Variants in NBAS observed in about 807,000 individuals in gnomAD.
NBAS encodes NAG/BC035112 fusion.
NBAS carries 219 observed loss-of-function variants against 302.5 expected under a neutral mutation model. The ratio of observed to expected loss-of-function variants is 0.72; its 90% CI spans 0.65 to 0.81. NBAS has a LOEUF of 0.81. NBAS is among the 30% of genes least tolerant of loss of function. NBAS has a pLI of 0.00. For synonymous variants in NBAS, 1,118 were observed against 1,021.6 expected (o/e 1.09, Z -1.80); for missense variants, 2,932 against 2,841.6 (o/e 1.03, Z -0.72).
At chr2:14,814,151 C>T in the NBAS span, among the ~76,000 whole-genome samples, 1 of 152,208 alleles carries the variant, frequency 6.6e-6, no homozygotes, top group Non-Finnish European at 1.5e-5. Flanking sequence ...AGGGGCACAG[C>T]CCACATGGAG....
chr2:14,944,007 C>G, the NBAS span, among the ~76,000 whole-genome samples: 1 of 151,992 alleles, frequency 6.6e-6, no homozygotes, highest in Non-Finnish European at 1.5e-5. Flanking sequence ...ATAAAAAAAA[C>G]TACTAATCCC....
intron 25 of NBAS, among the ~76,000 whole-genome samples, chr2:15,413,325 G>A (rs1044043751): frequency 2.0e-5 from 3 of 151,998 alleles, no homozygotes; most frequent in Non-Finnish European, 2.9e-5. Flanking sequence ...GCAATTCCCT[G>A]GTAATAAGGA....
chr2:15,331,732 T>C (rs1672361440), intron 35 of NBAS, among the ~76,000 whole-genome samples: 2 of 152,202 alleles, frequency 1.3e-5, no homozygotes, highest in Admixed American at 6.5e-5. Context: ...CTCTTTTAGA[T>C]CAAGCTGACA....
At chr2:15,359,638 T>G (rs1443499205) in intron 32 of NBAS, among the ~76,000 whole-genome samples, 2 of 152,184 alleles carry the variant, frequency 1.3e-5, no homozygotes, top group East Asian at 3.8e-4. Flanking sequence ...TTTCAACATA[T>G]TCCTTTACTT....
In NBAS at chr2:15,539,349, T is replaced by G; in HGVS notation, c.387A>C (p.Lys129Asn). Residue 129 changes from lysine to asparagine, a missense_variant, in exon 7 of 52, where the codon AAA becomes AAC. Coordinates refer to ENST00000281513, the MANE Select transcript of NBAS (RefSeq NM_015909.4). ...CCCGTCTCCACTGGGGTTTCGGGTC[T>G]TTCGGAACTAGAACAAAAGAAAACA... ...TSIIGKCQVP[K>N]DPKPQWRRVA... 2 of 1,614,202 alleles carry G rather than the reference T, an allele frequency of 1.2e-6. No individual in the cohort carries two copies. Among genetic ancestry groups the G allele is most frequent in the South Asian group, 2.2e-5 (2 of 91,088 alleles).
chr2:15,327,774 CTTTAT>C lies in NBAS; in HGVS notation c.4553_4557del (p.Asn1518ArgfsTer8). ...CCTTCAGTTGTTGGAAATACTTCTC[CTTTAT>C]TTTTAGCCTCTGCCAATTTTCCAGT... On this transcript the variant is annotated frameshift_variant, in exon 38 of 52. Transcript: ENST00000281513. LOFTEE classifies it high-confidence loss of function. The C allele has an allele frequency of 6.2e-7, 1 of 1,613,676 alleles. No individual in the cohort carries two copies. Among genetic ancestry groups the C allele is most frequent in the Non-Finnish European group, 8.5e-7 (1 of 1,179,736 alleles).
At chr2:15,485,737 C>T (rs997408700) in intron 12 of NBAS, among the ~76,000 whole-genome samples, 1 of 152,012 alleles carries the variant, frequency 6.6e-6, no homozygotes, top group African/African-American at 2.4e-5. Flanking sequence ...GCCTCACAGG[C>T]GTGTTTACAA....
the NBAS span, among the ~76,000 whole-genome samples, chr2:15,113,965 A>T: frequency 1.3e-5 from 2 of 152,190 alleles, no homozygotes; most frequent in Non-Finnish European, 2.9e-5. Flanking sequence ...CCTCTTGGTG[A>T]AAGAACACAC....
the NBAS span, among the ~76,000 whole-genome samples, chr2:15,154,455 T>G: frequency 3.3e-5 from 5 of 152,200 alleles, no homozygotes; most frequent in East Asian, 9.6e-4. Context: ...TCTAGCTCCA[T>G]TGCCTCATTG....
At chr2:14,781,079 A>G in the NBAS span, among the ~76,000 whole-genome samples, 3 of 152,230 alleles carry the variant, frequency 2.0e-5, no homozygotes, top group Non-Finnish European at 4.4e-5. Flanking sequence ...TGCATACTGG[A>G]AAATATGCAA....
the NBAS span, among the ~76,000 whole-genome samples, chr2:14,880,522 T>C: frequency 1.3e-5 from 2 of 151,638 alleles, no homozygotes; most frequent in Non-Finnish European, 2.9e-5. Flanking sequence ...AAGAAAGAAA[T>C]TGATGAAAAA....
chr2:15,231,677 C>T (rs1000692329), intron 47 of NBAS, among the ~76,000 whole-genome samples: 2 of 152,082 alleles, frequency 1.3e-5, no homozygotes, highest in Non-Finnish European at 2.9e-5. Flanking sequence ...GATATCTGCA[C>T]CTGAACAATA....
At chr2:15,482,618 G>T (rs1412006838) in intron 12 of NBAS, among the ~76,000 whole-genome samples, 1 of 151,930 alleles carries the variant, frequency 6.6e-6, no homozygotes, top group Non-Finnish European at 1.5e-5. Flanking sequence ...GACTTGCTCT[G>T]GAACCTGCAG....
At chr2:15,120,121 G>A in the NBAS span, among the ~76,000 whole-genome samples, 3 of 152,178 alleles carry the variant, frequency 2.0e-5, no homozygotes, top group Non-Finnish European at 4.4e-5. Flanking sequence ...GTGTGGGAGG[G>A]TGGGCTGTCA....
At position 15,292,761 on chromosome 2, in the gene NBAS, A is replaced by G; in HGVS notation, c.4803T>C (p.Asp1601=). The G allele has an allele frequency of 1.2e-6, 2 of 1,614,140 alleles. No individual in the cohort carries two copies. Among genetic ancestry groups the G allele is most frequent in the African/African-American group, 1.3e-5 (1 of 75,046 alleles). ...TGACCATCTTGATTAGTTCTTTGGG[A>G]TCAGCCTATGAAAGACATGGAAAAG... The part of the protein sequence containing the change: ...RDKCHPLYRA[D]PKELIKMVTR... Residue 1601 remains aspartate (D), a synonymous_variant, in exon 41 of 52, where the codon GAT becomes GAC. Transcript: ENST00000281513.
At chr2:15,219,316 C>T (rs372823439) in intron 47 of NBAS, among the ~76,000 whole-genome samples, 144 of 128,736 alleles carry the variant, frequency 1.1e-3, no homozygotes, top group East Asian at 5.3e-3. Flanking sequence ...TTTTTTTTTT[C>T]TTTTCTTTTT....
intron 38 of NBAS, among the ~76,000 whole-genome samples, chr2:15,312,766 A>G (rs1671337960): frequency 6.6e-6 from 1 of 152,220 alleles, no homozygotes; most frequent in Admixed American, 6.5e-5. Context: ...CCAATAAACT[A>G]AACTTAACAC....
chr2:15,505,222 T>C (rs1372457633), intron 10 of NBAS, among the ~76,000 whole-genome samples: 2 of 152,026 alleles, frequency 1.3e-5, no homozygotes, highest in Non-Finnish European at 2.9e-5. Flanking sequence ...CAAAAGCAAA[T>C]TGAAAAACAC....
chr2:15,376,453 A>G (rs1046705493), intron 30 of NBAS, among the ~76,000 whole-genome samples: 1 of 152,218 alleles, frequency 6.6e-6, no homozygotes, highest in Non-Finnish European at 1.5e-5. Flanking sequence ...TGGTATTTTC[A>G]AAGACTATTT....
Sources: gnomAD v4.1 joint callset for allele counts (sites outside exome capture counted in the v4.1 genomes callset) on GRCh38, gnomAD v4.1.1 for gene constraint, MANE v1.5 for transcripts, NCBI Gene and HGNC (gene_info 2026-07-23, HGNC 2026-07-21) for gene names.